RNF43: variants seen among roughly 807,000 people sequenced by gnomAD.
RNF43 encodes ring finger protein 43, also known as E3 ubiquitin-protein ligase RNF43.
A neutral mutation model predicts 78.4 loss-of-function variants in RNF43; 37 were observed. The ratio of observed to expected loss-of-function variants is 0.47; its 90% CI spans 0.36 to 0.62. The LOEUF is 0.62. Ranked by LOEUF, RNF43 falls within the 20% of genes least tolerant of loss-of-function variation. RNF43 has a pLI of 0.00. For synonymous variants in RNF43, 347 were observed against 395.0 expected, an observed-to-expected ratio of 0.88 and a Z score of 1.44; for missense variants, 774 against 1,007.9, an observed-to-expected ratio of 0.77 and a Z score of 3.14.
At chr17:58,383,057 T>A (rs1191287303) in intron 2 of RNF43, among the ~76,000 whole-genome samples, 2 of 152,226 alleles carry the variant, frequency 1.3e-5, no homozygotes, top group Non-Finnish European at 1.5e-5. Context: ...CAGGCCATAG[T>A]GTCAGCTGTC....
Position 58,360,933 on chromosome 17 carries a change from C to A in RNF43, c.699G>T (p.Gln233His), listed in dbSNP as rs761114876. 6.3e-7 allele frequency: 1 copy of A among 1,581,594 alleles called. No homozygotes were observed. The highest frequency in any genetic ancestry group is 1.7e-5 in the Admixed American group (1 of 57,150). Residue 233 changes from glutamine (Q) to histidine (H), a missense_variant, in exon 7 of 10, where the codon CAG (glutamine) becomes CAT (histidine). Coordinates refer to ENST00000407977, the MANE Select transcript of RNF43 (RefSeq NM_017763.6). This position sits in a 1 kb window ranked among gnomAD's most constrained non-coding sequence, Gnocchi z 4.3. ...GGCTGATGGCCCAGGCTGTTCTCTG[C>A]TGAAGCGGATCCTGGGAAGAGGAAT... ...RPRHSRPDPL[Q>H]QRTAWAISQL...
intron 2 of RNF43, among the ~76,000 whole-genome samples, chr17:58,406,526 T>C (rs1287346220): frequency 6.6e-6 from 1 of 152,186 alleles, no homozygotes; most frequent in African/African-American, 2.4e-5. Flanking sequence ...AATGGAAAAC[T>C]GAATAGGACT....
chr17:58,353,137 C>T (rs1972599498), downstream of RNF43: 1 of 206,884 alleles, frequency 4.8e-6, no homozygotes, highest in Non-Finnish European at 9.9e-6. Context: ...TTTCAGGCCC[C>T]GCTGCGCTGT....
Position 58,357,025 on chromosome 17 carries a change from CTGGGATTA to C in RNF43, c.2308+435_2308+442del, listed in dbSNP as rs1331239980. ...TCTCCTGCCTCAGCCTCCTGAGTAG[CTGGGATTA>C]TAAGTGCCCGCCACCATACCCGGCT... On this transcript the variant is annotated intron_variant, in intron 9 of 9. Coordinates refer to ENST00000407977, the MANE Select transcript of RNF43 (RefSeq NM_017763.6). The surrounding 1 kb of genome is among the most constrained non-coding windows in gnomAD (Gnocchi z 4.5). 1.0e-5 allele frequency: 6 copies of C among 581,100 alleles called. No homozygotes were observed. The highest frequency in any genetic ancestry group is 1.8e-5 in the Non-Finnish European group (6 of 325,024). The allele number at this position is 581,100 out of a possible 1,614,324, so 36.0% of individuals were successfully genotyped here. A position where few individuals can be genotyped will look rare whatever the true frequency, so the allele number is the denominator to read the frequency against.
At chr17:58,366,919 G>A (rs746962698) in intron 3 of RNF43, among the ~76,000 whole-genome samples, 8 of 152,056 alleles carry the variant, frequency 5.3e-5, no homozygotes, top group African/African-American at 1.9e-4. Context: ...TCCGCCTCCC[G>A]GGTTCAAGAG....
At chr17:58,353,298 T>A (rs1972605209), downstream of RNF43, 4 of 215,058 alleles carry the variant, frequency 1.9e-5, no homozygotes, top group South Asian at 7.4e-4. Context: ...TTTTCTACAC[T>A]CTATTATCTC....
At chr17:58,386,728 T>C (rs1011223560) in intron 2 of RNF43, among the ~76,000 whole-genome samples, 9 of 152,240 alleles carry the variant, frequency 5.9e-5, no homozygotes, top group African/African-American at 1.9e-4. Context: ...TGCTACCTCT[T>C]CCATGAAGAA....
At chr17:58,374,653 A>G (rs1192718931) in intron 2 of RNF43, among the ~76,000 whole-genome samples, 3 of 152,090 alleles carry the variant, frequency 2.0e-5, no homozygotes, top group Non-Finnish European at 4.4e-5. Context: ...GGCCTCCTAC[A>G]GTGCTGGGAT....
intron 2 of RNF43, among the ~76,000 whole-genome samples, chr17:58,399,288 T>C (rs926669530): frequency 8.5e-5 from 13 of 152,190 alleles, no homozygotes; most frequent in African/African-American, 3.1e-4. Flanking sequence ...CTGCAGACTG[T>C]TGGTCTCTGA....
At chr17:58,387,305 T>C (rs1973458745) in intron 2 of RNF43, among the ~76,000 whole-genome samples, 2 of 152,260 alleles carry the variant, frequency 1.3e-5, no homozygotes, top group African/African-American at 2.4e-5. Context: ...GGGAACACAC[T>C]TGAATACATT....
In RNF43 at chr17:58,358,665, G is replaced by C. The variant is rs771831816; in HGVS notation, c.1111C>G (p.Arg371Gly). The C allele has an allele frequency of 2.0e-6, 3 of 1,525,234 alleles. No individual in the cohort carries two copies. Among genetic ancestry groups the C allele is most frequent in the Non-Finnish European group, 2.6e-6 (3 of 1,134,648 alleles). 94.5% of individuals were successfully genotyped at this position (1,525,234 alleles called of 1,614,324 possible). Residue 371 changes from arginine (R) to glycine (G), a missense_variant, in exon 9 of 10, where the codon CGA becomes GGA. Coordinates refer to ENST00000407977, the MANE Select transcript of RNF43 (RefSeq NM_017763.6). The surrounding 1 kb of genome is among the most constrained non-coding windows in gnomAD (Gnocchi z 6.2). ...TGGGATGGCAGGAAGGGACCAGGTC[G>C]TGGGGGCCGAGCCACTGCACTCCGG... ...PSRSAVARPP[R>G]PGPFLPSQEP...
At chr17:58,385,122 C>A (rs1768169659) in intron 2 of RNF43, among the ~76,000 whole-genome samples, 1 of 152,146 alleles carries the variant, frequency 6.6e-6, no homozygotes, top group South Asian at 2.1e-4. Flanking sequence ...CACTTGTTGC[C>A]TCTTCCTCTT....
At chr17:58,370,459 T>C (rs1009970165) in intron 3 of RNF43, among the ~76,000 whole-genome samples, 22 of 152,332 alleles carry the variant, frequency 1.4e-4, no homozygotes, top group African/African-American at 5.3e-4. Flanking sequence ...AAACACAACA[T>C]GTCTGCAAGC....
In RNF43 at chr17:58,358,457, G is replaced by C. The variant is rs1972751353; in HGVS notation, c.1319C>G (p.Pro440Arg). 6.2e-7 allele frequency: 1 copy of C among 1,613,958 alleles called. No individual in the cohort carries two copies. Among genetic ancestry groups the C allele is most frequent in the South Asian group, 1.1e-5 (1 of 91,068 alleles). The change falls in exon 9 of 10, where the codon CCC (proline) becomes CGC (arginine). Residue 440 changes from proline (P) to arginine (R), a missense_variant. By Grantham distance (103) the Pro-to-Arg change is moderately radical (BLOSUM62 -2). Coordinates refer to ENST00000407977, the MANE Select transcript of RNF43 (RefSeq NM_017763.6). This position sits in a 1 kb window ranked among gnomAD's most constrained non-coding sequence, Gnocchi z 6.2. Reference protein sequence around the residue: ...ACPVPLRRARPPDSSGSGESY... With the variant: ...ACPVPLRRARRPDSSGSGESY... ...TTCTCCAGATCCACTGCTGTCAGGG[G>C]GCCTGGCCCGGCGTAGGGGCACTGG... is the stretch of plus-strand genomic sequence containing the variant.
chr17:58,373,454 T>A (rs1345435571), intron 2 of RNF43, among the ~76,000 whole-genome samples: 1 of 152,224 alleles, frequency 6.6e-6, no homozygotes, highest in Non-Finnish European at 1.5e-5. Flanking sequence ...AATAAAGGCC[T>A]CTTGTGTGCC....
chr17:58,368,985 G>A (rs1171936275), intron 3 of RNF43, among the ~76,000 whole-genome samples: 3 of 152,058 alleles, frequency 2.0e-5, no homozygotes, highest in Non-Finnish European at 2.9e-5. Flanking sequence ...GCCCACAGCT[G>A]TGGAAAGGGG....
At position 58,366,992 on chromosome 17, in the gene RNF43, AT is replaced by A. The variant is rs60382535; in HGVS notation, c.376-3393del. On this transcript the variant is annotated intron_variant, in intron 3 of 9. Coordinates refer to ENST00000407977, the MANE Select transcript of RNF43 (RefSeq NM_017763.6). ...AGGCATACACCACAAGGCCCGGCTA[AT>A]TTTTTTTTTTTTTTTTTTTGAGACG... is the stretch of plus-strand genomic sequence containing the variant. Among the ~76,000 whole-genome samples, 307 of 122,780 alleles carry A rather than the reference AT, an allele frequency of 2.5e-3. 7 individuals carry two copies. In the South Asian group the frequency reaches 0.053, roughly 21 times the overall value. 80.5% of individuals were successfully genotyped at this position (122,780 alleles called of 152,430 possible). A position where few individuals can be genotyped will look rare whatever the true frequency, so the allele number is the denominator to read the frequency against.
chr17:58,363,056 G>C, intron 5 of RNF43: 1 of 588,094 alleles, frequency 1.7e-6, no homozygotes, highest in Middle Eastern at 4.5e-4. Flanking sequence ...GAGCTGTAAA[G>C]AACTTTAGAA....
At chr17:58,370,731 G>A (rs771855416) in intron 3 of RNF43, among the ~76,000 whole-genome samples, 180 bp downstream of exon 3, 7 of 152,124 alleles carry the variant, frequency 4.6e-5, no homozygotes, top group Non-Finnish European at 1.0e-4. Context: ...GGTGCTAGTC[G>A]GAGGAGAAAA....
Sources: gnomAD v4.1 joint callset for allele counts (sites outside exome capture counted in the v4.1 genomes callset) on GRCh38, gnomAD v4.1.1 for gene constraint, Gnocchi (gnomAD v3.1) non-coding constraint, MANE v1.5 for transcripts, NCBI Gene and HGNC (gene_info 2026-07-23, HGNC 2026-07-21) for gene names.